The following NEURL1 variants were observed in gnomAD, a reference collection of about 807,000 sequenced individuals.
NEURL1 encodes the protein E3 ubiquitin-protein ligase NEURL1.
A neutral mutation model predicts 41.2 loss-of-function variants in NEURL1; 26 were observed. The observed-to-expected ratio is 0.63, with a 90% CI of 0.46 to 0.87. The LOEUF (loss-of-function observed/expected upper bound fraction) is 0.87. Among genes scored for constraint, NEURL1 ranks in the 40% least tolerant of loss-of-function variants. NEURL1 has a pLI of 0.00. For missense variants in NEURL1, 761 were observed against 871.1 expected (o/e 0.87, Z 1.59); for synonymous variants, 400 against 402.3 (o/e 0.99, Z 0.07).
intron 1 of NEURL1, among the ~76,000 whole-genome samples, chr10:103,533,129 A>T (rs1490912421): frequency 2.6e-5 from 4 of 151,210 alleles, no homozygotes; most frequent in Non-Finnish European, 4.4e-5. Flanking sequence ...GGGTTTCATC[A>T]TGTTAGCCAG....
At chr10:103,553,044 C>G (rs1378180963) in intron 1 of NEURL1, among the ~76,000 whole-genome samples, 1 of 152,146 alleles carries the variant, frequency 6.6e-6, no homozygotes, top group East Asian at 1.9e-4. Context: ...ATAGGAAGGC[C>G]AGGCTGGCAT....
chr10:103,555,338 C>G, intron 1 of NEURL1: 1 of 1,303,878 alleles, frequency 7.7e-7, no homozygotes, highest in Non-Finnish European at 1.0e-6. Flanking sequence ...GGTGACCAGC[C>G]GGCCGGCCCA....
chr10:103,574,995 T>A (rs1379376745), intron 3 of NEURL1, among the ~76,000 whole-genome samples: 1 of 152,178 alleles, frequency 6.6e-6, no homozygotes, highest in East Asian at 1.9e-4. Flanking sequence ...CTGAATTTTT[T>A]TTTTTTTTGG....
intron 3 of NEURL1, among the ~76,000 whole-genome samples, chr10:103,576,890 C>A (rs1481756065): frequency 6.6e-6 from 1 of 152,198 alleles, no homozygotes; most frequent in African/African-American, 2.4e-5. Flanking sequence ...TCTCCAGGCC[C>A]CCTGGAGATA....
rs114744668 is a variant in NEURL1, at chr10:103,567,586, G to A, written c.86-3286G>A. On this transcript the variant is annotated intron_variant, in intron 1 of 5. Transcript: ENST00000369780. ...TAATTTTTAAATTTTTTGTAGAGATGAGGTCTTGCTTTTGTTCCCCAAGCC... is the reference window on the plus strand; with the variant it reads ...TAATTTTTAAATTTTTTGTAGAGATAAGGTCTTGCTTTTGTTCCCCAAGCC... Among the ~76,000 whole-genome samples, 938 of 152,074 alleles carry A rather than the reference G, an allele frequency of 6.2e-3. 8 individuals carry two copies. The highest frequency in any genetic ancestry group is 0.021 in the African/African-American group (888 of 41,468).
intron 1 of NEURL1, among the ~76,000 whole-genome samples, chr10:103,555,788 C>T (rs540223753): frequency 1.3e-5 from 2 of 152,340 alleles, no homozygotes; most frequent in Admixed American, 6.5e-5. Context: ...TTTCCCTACC[C>T]ACCTCTCCCG....
At chr10:103,529,488 C>A (rs374872117) in intron 1 of NEURL1, among the ~76,000 whole-genome samples, 15 of 152,254 alleles carry the variant, frequency 9.9e-5, no homozygotes, top group African/African-American at 3.6e-4. Flanking sequence ...CCAGTTTTCC[C>A]AAGGGGCTTT....
At chr10:103,512,663 G>A (rs1164163665) in intron 1 of NEURL1, among the ~76,000 whole-genome samples, 1 of 152,192 alleles carries the variant, frequency 6.6e-6, no homozygotes, top group Non-Finnish European at 1.5e-5. Flanking sequence ...CGGGAGCTGT[G>A]CTGCTCGGCA....
chr10:103,503,472 TG>T (rs1564802892), intron 1 of NEURL1, among the ~76,000 whole-genome samples: 1 of 152,164 alleles, frequency 6.6e-6, no homozygotes, highest in Non-Finnish European at 1.5e-5. Context: ...GCTCTGGCAC[TG>T]GGCTTGGGAA....
At chr10:103,495,070 T>C (rs1012115596) in intron 1 of NEURL1, among the ~76,000 whole-genome samples, 3 of 152,206 alleles carry the variant, frequency 2.0e-5, no homozygotes, top group Admixed American at 2.0e-4. Flanking sequence ...AAAGAGGGTC[T>C]GGGAGCCTTG....
Position 103,590,232 on chromosome 10 carries a change from G to T in NEURL1, c.1585G>T (p.Val529Leu). ...DECTICYEHA[V>L]DTVIYTCGHM... ...GTGCACCATTTGCTATGAACACGCG[G>T]TGGACACGGTCATCTACACATGTGG... The change falls in exon 6 of 6, where the codon GTG becomes TTG. Residue 529 changes from valine (V) to leucine (L), a missense_variant. This residue lies in a region of NEURL1 where 45 missense variants were observed against 89.9 expected (regional missense o/e 0.50). Coordinates refer to ENST00000369780, the MANE Select transcript of NEURL1 (RefSeq NM_004210.5). 1 of 1,614,150 alleles carries T rather than the reference G, an allele frequency of 6.2e-7. No homozygotes were observed.
At chr10:103,555,102 T>A (rs546871310) in intron 1 of NEURL1, 1 of 143,706 alleles carries the variant, frequency 7.0e-6, no homozygotes, top group South Asian at 2.2e-4. Context: ...GCGCGGGAGG[T>A]GGGGAGGCTG....
At chr10:103,512,668 T>C (rs2034100213) in intron 1 of NEURL1, among the ~76,000 whole-genome samples, 1 of 152,118 alleles carries the variant, frequency 6.6e-6, no homozygotes, top group African/African-American at 2.4e-5. Flanking sequence ...GCTGTGCTGC[T>C]CGGCAGTTTC....
intron 1 of NEURL1, among the ~76,000 whole-genome samples, chr10:103,519,024 C>T (rs1184109883): frequency 1.3e-5 from 2 of 152,234 alleles, no homozygotes; most frequent in South Asian, 2.1e-4. Flanking sequence ...GCGGGTGGAT[C>T]GCTTGAGGTT....
chr10:103,547,970 G>A (rs1169279441), intron 1 of NEURL1, among the ~76,000 whole-genome samples: 1 of 152,018 alleles, frequency 6.6e-6, no homozygotes, highest in Non-Finnish European at 1.5e-5. Context: ...AAGTCTCGTT[G>A]CCTGCCCTTC....
chr10:103,546,742 GT>G (rs1217346280), intron 1 of NEURL1, among the ~76,000 whole-genome samples: 2 of 152,242 alleles, frequency 1.3e-5, no homozygotes, highest in Non-Finnish European at 2.9e-5. Flanking sequence ...TTCCTGCCTA[GT>G]TTTTTCAGAG....
chr10:103,508,334 C>T lies in NEURL1; in HGVS notation c.85+13862C>T, dbSNP rs1032770787. On this transcript the variant is annotated intron_variant, in intron 1 of 5. Coordinates refer to ENST00000369780, the MANE Select transcript of NEURL1 (RefSeq NM_004210.5). This position sits in a 1 kb window ranked among gnomAD's most constrained non-coding sequence, Gnocchi z 4.3. The stretch of plus-strand genomic sequence containing the variant: ...CGATCTTCCAAATCTCACTCAGATT[C>T]TTCCTGGGTCTCTTCATGGGACCTC... 1.3e-5 allele frequency among the ~76,000 whole-genome samples: 2 copies of T among 152,254 alleles called. No homozygotes were observed. The highest frequency in any genetic ancestry group is 1.3e-4 in the Admixed American group (2 of 15,286).
At position 103,585,097 on chromosome 10, in the gene NEURL1, A is replaced by G. The variant is rs1174253659; in HGVS notation, c.1211A>G (p.Asn404Ser). The change falls in exon 4 of 6, where the codon AAC becomes AGC. Residue 404 changes from asparagine (N) to serine (S), a missense_variant. Asn to Ser is a conservative substitution (Grantham distance 46). Around this residue, in one of 5 missense-constraint regions of NEURL1, gnomAD observed 443 missense variants for 408.1 expected, o/e 1.09. Transcript: ENST00000369780. ...HSGDILGLVV[N>S]ADGELHLSHN... ...GGCGACATCCTGGGCCTGGTGGTCA[A>G]CGCCGACGGCGAGCTGCACCTCAGC... The G allele has an allele frequency of 6.3e-7, 1 of 1,590,078 alleles. No individual in the cohort carries two copies. Among genetic ancestry groups the G allele is most frequent in the South Asian group, 1.1e-5 (1 of 89,352 alleles).
chr10:103,540,790 G>T (rs1182290872), intron 1 of NEURL1, among the ~76,000 whole-genome samples: 3 of 152,164 alleles, frequency 2.0e-5, no homozygotes, highest in Admixed American at 2.0e-4. Flanking sequence ...CCATTGGGGC[G>T]AAGTGAGGGG....
Sources: allele counts gnomAD v4.1 joint callset (sites outside exome capture counted in the v4.1 genomes callset), GRCh38; gene constraint gnomAD v4.1.1; regional missense constraint gnomAD v4.1.1; non-coding constraint Gnocchi (gnomAD v3.1); transcripts MANE v1.5; gene names NCBI Gene and HGNC (gene_info 2026-07-23, HGNC 2026-07-21).